NKAIN2: variants seen among roughly 807,000 people sequenced by gnomAD.
NKAIN2 encodes sodium/potassium transporting ATPase interacting 2.
In NKAIN2, 14 loss-of-function variants were observed where a neutral mutation model predicts 32.6. The observed-to-expected ratio is 0.43, with a 90% CI of 0.28 to 0.67. The LOEUF (loss-of-function observed/expected upper bound fraction) is 0.67. NKAIN2 is among the 30% of genes least tolerant of loss of function. NKAIN2 has a pLI of 0.17. For missense variants in NKAIN2, 198 were observed against 258.3 expected, an observed-to-expected ratio of 0.77 and a Z score of 1.60; for synonymous variants, 80 against 87.2, an observed-to-expected ratio of 0.92 and a Z score of 0.46.
intron 1 of NKAIN2, among the ~76,000 whole-genome samples, chr6:123,970,743 A>T (rs1778300001): frequency 6.6e-6 from 1 of 151,908 alleles, no homozygotes; most frequent in South Asian, 2.1e-4. Flanking sequence ...TTAGCCAGGC[A>T]TGGTGGTGCG....
intron 1 of NKAIN2, among the ~76,000 whole-genome samples, chr6:124,124,415 G>T (rs537469819): frequency 2.6e-5 from 4 of 152,088 alleles, no homozygotes; most frequent in African/African-American, 9.7e-5. Context: ...ATCATATAAA[G>T]TATCTAGAAT....
At chr6:124,660,646 C>A (rs560385145) in intron 4 of NKAIN2, among the ~76,000 whole-genome samples, 2 of 152,166 alleles carry the variant, frequency 1.3e-5, no homozygotes, top group African/African-American at 4.8e-5. Context: ...GACATCTTCA[C>A]CTCTACCTTT....
chr6:124,582,343 T>C lies in NKAIN2; in HGVS notation c.274-75843T>C, dbSNP rs144358254. 2.3e-3 allele frequency among the ~76,000 whole-genome samples: 348 copies of C among 152,238 alleles called. 1 individual carries two copies. The highest frequency in any genetic ancestry group is 8.0e-3 in the African/African-American group (331 of 41,544). On this transcript the variant is annotated intron_variant, in intron 3 of 6. Coordinates refer to ENST00000368417, the MANE Select transcript of NKAIN2 (RefSeq NM_001040214.3). ...CAACTGTATGCCAATAACTTGCTCA[T>C]ATAAACTGGAATATTTAGAAGAAAC...
intron 6 of NKAIN2, among the ~76,000 whole-genome samples, chr6:124,821,361 C>T (rs1307911263): frequency 3.3e-5 from 5 of 150,702 alleles, no homozygotes; most frequent in African/African-American, 7.3e-5. Context: ...AATAATATTA[C>T]ATAATATTTT....
chr6:124,116,134 A>C (rs984197132), intron 1 of NKAIN2, among the ~76,000 whole-genome samples: 4 of 152,114 alleles, frequency 2.6e-5, no homozygotes, highest in African/African-American at 9.7e-5. Context: ...TTTTCAGATA[A>C]AACGTTATTC....
intron 3 of NKAIN2, among the ~76,000 whole-genome samples, chr6:124,610,662 T>A (rs1006976180): frequency 6.6e-6 from 1 of 152,182 alleles, no homozygotes; most frequent in Non-Finnish European, 1.5e-5. Context: ...AGTGTCATTA[T>A]GTCCTTATGT....
intron 1 of NKAIN2, among the ~76,000 whole-genome samples, chr6:123,866,597 A>AT (rs1426093347): frequency 6.6e-6 from 1 of 151,922 alleles, no homozygotes; most frequent in Non-Finnish European, 1.5e-5. Flanking sequence ...AGCCCGGCCA[A>AT]TTTTTTGTAT....
intron 5 of NKAIN2, among the ~76,000 whole-genome samples, chr6:124,803,385 C>A (rs1406802346): frequency 6.6e-6 from 1 of 152,168 alleles, no homozygotes; most frequent in Non-Finnish European, 1.5e-5. Context: ...ACACTGAGCT[C>A]TCACTGTCTT....
intron 1 of NKAIN2, among the ~76,000 whole-genome samples, chr6:123,922,592 A>G (rs1775805617): frequency 6.6e-6 from 1 of 152,102 alleles, no homozygotes; most frequent in South Asian, 2.1e-4. Context: ...GGGGTGGGGA[A>G]AGGGCAACCC....
intron 4 of NKAIN2, among the ~76,000 whole-genome samples, chr6:124,758,626 A>G (rs1339172013): frequency 4.6e-5 from 7 of 152,180 alleles, no homozygotes; most frequent in African/African-American, 1.7e-4. Context: ...CCCCAGTTGC[A>G]GAGCCTCACT....
intron 3 of NKAIN2, among the ~76,000 whole-genome samples, chr6:124,564,523 T>C (rs1288037023): frequency 1.3e-5 from 2 of 152,088 alleles, no homozygotes; most frequent in Non-Finnish European, 2.9e-5. Context: ...AGCAACCTGC[T>C]CGGGTCCCAT....
At chr6:124,144,233 G>T (rs534789960) in intron 1 of NKAIN2, among the ~76,000 whole-genome samples, 1 of 152,318 alleles carries the variant, frequency 6.6e-6, no homozygotes, top group Non-Finnish European at 1.5e-5. Context: ...TCCTAAAGAA[G>T]AAGGGAGATT....
chr6:124,234,395 T>G lies in NKAIN2; in HGVS notation c.55-48610T>G, dbSNP rs572796379. Among the ~76,000 whole-genome samples the G allele has an allele frequency of 1.4e-4, 21 of 152,266 alleles. No homozygotes were observed. The South Asian group carries it at 3.5e-3, about 26-fold the overall frequency. ...AACACACTGTAAAAGACCTTATTGG[T>G]GGTGTCCAGTAGGGAGAAAAGAATA... On this transcript the variant is annotated intron_variant, in intron 1 of 6. Transcript: ENST00000368417.
At chr6:123,982,932 C>G (rs533599718) in intron 1 of NKAIN2, among the ~76,000 whole-genome samples, 9 of 152,222 alleles carry the variant, frequency 5.9e-5, no homozygotes, top group African/African-American at 2.2e-4. Context: ...TTCCCCTTCT[C>G]TCTCCATTCC....
intron 3 of NKAIN2, among the ~76,000 whole-genome samples, chr6:124,588,560 G>T (rs1781795333): frequency 6.6e-6 from 1 of 152,048 alleles, no homozygotes; most frequent in Non-Finnish European, 1.5e-5. Context: ...TGTAGGAGAG[G>T]TCAGTTCAAT....
In NKAIN2 at chr6:123,895,335, CCTT is replaced by C. The variant is rs562281502; in HGVS notation, c.54+91085_54+91087del. Reference sequence around the variant, plus strand: ...TTTTACTGCCAGCTGACTACATCCTCCTTCTTTCCATGTCTTTTTGGGTCCCTC... The same window carrying C: ...TTTTACTGCCAGCTGACTACATCCTCCTTTCCATGTCTTTTTGGGTCCCTC... On this transcript the variant is annotated intron_variant, in intron 1 of 6. Coordinates refer to ENST00000368417, the MANE Select transcript of NKAIN2 (RefSeq NM_001040214.3). Among the ~76,000 whole-genome samples the C allele has an allele frequency of 1.1e-4, 16 of 152,250 alleles. No individual in the cohort carries two copies. In the South Asian group the frequency reaches 1.7e-3, roughly 16 times the overall value.
chr6:124,674,223 A>C (rs1320196318), intron 4 of NKAIN2, among the ~76,000 whole-genome samples: 1 of 151,814 alleles, frequency 6.6e-6, no homozygotes, highest in Non-Finnish European at 1.5e-5. Flanking sequence ...GTCTATATGT[A>C]TCTGTTGTTA....
chr6:123,852,002 G>A (rs185297513), intron 1 of NKAIN2, among the ~76,000 whole-genome samples: 1 of 151,870 alleles, frequency 6.6e-6, no homozygotes, highest in East Asian at 1.9e-4. Flanking sequence ...TTATGCTTTT[G>A]GGATCATATC....
intron 1 of NKAIN2, among the ~76,000 whole-genome samples, chr6:123,947,212 C>T (rs145619420): frequency 3.7e-4 from 56 of 152,250 alleles, no homozygotes; most frequent in Middle Eastern, 3.4e-3. Context: ...GGTCTGTGTT[C>T]TGGGAAGCTT....
Sources: allele counts gnomAD v4.1 joint callset (sites outside exome capture counted in the v4.1 genomes callset), GRCh38; gene constraint gnomAD v4.1.1; transcripts MANE v1.5; gene names NCBI Gene and HGNC (gene_info 2026-07-23, HGNC 2026-07-21).